CLNK: variants seen among roughly 807,000 people sequenced by gnomAD.
The protein encoded by CLNK is cytokine-dependent hematopoietic cell linker.
A neutral mutation model predicts 68.6 loss-of-function variants in CLNK; 74 were observed. The ratio of observed to expected loss-of-function variants is 1.08; its 90% confidence interval spans 0.89 to 1.31. The LOEUF (loss-of-function observed/expected upper bound fraction) is 1.31, where lower values mean the gene tolerates loss of function less well. Among genes scored for constraint, CLNK ranks in the 50% most tolerant of loss-of-function variants. The pLI, the probability that CLNK is intolerant of heterozygous loss-of-function variation, is 0.00. For synonymous variants in CLNK, 198 were observed against 172.2 expected, an observed-to-expected ratio of 1.15 and a Z score of -1.17; for missense variants, 553 against 515.3, an observed-to-expected ratio of 1.07 and a Z score of -0.71.
intron 2 of CLNK, among the ~76,000 whole-genome samples, chr4:10,610,539 A>G (rs962594705): frequency 6.6e-6 from 1 of 152,058 alleles, no homozygotes; most frequent in African/African-American, 2.4e-5. Context: ...ATGAACCTAG[A>G]CAAAGAGAGG....
At chr4:10,561,945 C>T (rs1560217241) in intron 7 of CLNK, among the ~76,000 whole-genome samples, 1 of 152,124 alleles carries the variant, frequency 6.6e-6, no homozygotes, top group African/African-American at 2.4e-5. Context: ...TATGGAGAAC[C>T]TCTTACAAAG....
Position 10,571,677 on chromosome 4 carries a change from T to C in CLNK, c.150+64A>G, listed in dbSNP as rs562108399. On this transcript the variant is annotated intron_variant, in intron 5 of 18. Transcript: ENST00000226951. ...TAAACATTTTACCCAGTATCTTGAA[T>C]CAAATTCACCTGCTTTGCAATATTA... 3.7e-6 allele frequency: 5 copies of C among 1,333,366 alleles called. No homozygotes were observed. The African/African-American group carries it at 4.3e-5, about 12-fold the overall frequency. 82.6% of individuals were successfully genotyped at this position (1,333,366 alleles called of 1,614,324 possible). A position where few individuals can be genotyped will look rare whatever the true frequency, so the allele number is the denominator to read the frequency against.
At chr4:10,589,208 T>A (rs1164376212) in intron 3 of CLNK, among the ~76,000 whole-genome samples, 1 of 152,232 alleles carries the variant, frequency 6.6e-6, no homozygotes, top group Non-Finnish European at 1.5e-5. Context: ...CCAGCTCCAC[T>A]TTGCAGATTG....
At chr4:10,721,364 A>G in the CLNK span, among the ~76,000 whole-genome samples, 1 of 152,182 alleles carries the variant, frequency 6.6e-6, no homozygotes, top group Non-Finnish European at 1.5e-5. Flanking sequence ...TCTTTGCTTT[A>G]TTTCTTAAAA....
chr4:10,618,886 A>G (rs966216060), intron 2 of CLNK, among the ~76,000 whole-genome samples: 1 of 152,228 alleles, frequency 6.6e-6, no homozygotes, highest in Non-Finnish European at 1.5e-5. Flanking sequence ...ATCACGTCCC[A>G]CCAGGCCCCA....
At chr4:10,559,750 T>C (rs142041776) in intron 7 of CLNK, among the ~76,000 whole-genome samples, 13 of 152,126 alleles carry the variant, frequency 8.5e-5, no homozygotes, top group Non-Finnish European at 1.9e-4. Flanking sequence ...ATTCCCAACT[T>C]CTGTCAAATA....
chr4:10,656,778 T>A (rs139587734), intron 2 of CLNK, among the ~76,000 whole-genome samples: 178 of 152,330 alleles, frequency 1.2e-3, no homozygotes, highest in African/African-American at 4.2e-3. Flanking sequence ...ACAGCACTTG[T>A]ATTAGCAATA....
At chr4:10,613,636 G>T (rs1477357428) in intron 2 of CLNK, among the ~76,000 whole-genome samples, 1 of 152,142 alleles carries the variant, frequency 6.6e-6, no homozygotes, top group African/African-American at 2.4e-5. Flanking sequence ...TAGAGAATAG[G>T]TATGTCATTG....
intron 4 of CLNK, among the ~76,000 whole-genome samples, chr4:10,576,105 A>C (rs1720554178): frequency 6.6e-6 from 1 of 152,196 alleles, no homozygotes; most frequent in African/African-American, 2.4e-5. Context: ...CAAATACAGC[A>C]TGTGGTACAG....
intron 2 of CLNK, among the ~76,000 whole-genome samples, chr4:10,666,994 G>T (rs1013113160): frequency 1.3e-5 from 2 of 152,180 alleles, no homozygotes; most frequent in South Asian, 2.1e-4. Context: ...CTAGCCTCCC[G>T]CTAGGATCAG....
intron 2 of CLNK, among the ~76,000 whole-genome samples, chr4:10,609,237 G>T (rs2108852666): frequency 6.6e-6 from 1 of 152,318 alleles, no homozygotes; most frequent in Non-Finnish European, 1.5e-5. Flanking sequence ...ATGGCTGCCT[G>T]GTTTCAGGAC....
rs374640570 is a variant in CLNK at position 10,513,512 on chromosome 4, A to G, written c.858T>C (p.Tyr286=). 4.3e-6 allele frequency: 7 copies of G among 1,611,894 alleles called. No homozygotes were observed. In the African/African-American group the frequency reaches 9.3e-5, roughly 22 times the overall value. ...SCSPHENILP[Y]KYTSWRPPFP... ...AAGGTGGTCTCCAGCTTGTGTATTT[A>G]TAGGGCAGTATATTTTCGTGAGGGC... Residue 286 remains tyrosine (Y), a synonymous_variant, in exon 16 of 19, where the codon TAT becomes TAC. Coordinates refer to ENST00000226951, the MANE Select transcript of CLNK (RefSeq NM_052964.4).
chr4:10,561,639 T>C (rs1414031985), intron 7 of CLNK, among the ~76,000 whole-genome samples: 1 of 152,228 alleles, frequency 6.6e-6, no homozygotes, highest in East Asian at 1.9e-4. Context: ...CCAATCTCTC[T>C]GGAATTCTCA....
rs184955493 is a variant in CLNK, at chr4:10,556,074, A to G, written c.445+2333T>C. On this transcript the variant is annotated intron_variant, in intron 8 of 18. Transcript: ENST00000226951. The stretch of plus-strand genomic sequence containing the variant: ...AAGTCCTCTTTGCAGTTGTGGCCTC[A>G]GTTTACACTGGAGTCTGCTTTACAA... Among the ~76,000 whole-genome samples, 187 of 152,368 alleles carry G rather than the reference A, an allele frequency of 1.2e-3. 1 individual carries two copies. The highest frequency in any genetic ancestry group is 1.6e-3 in the Admixed American group (24 of 15,300).
chr4:10,689,638 C>G (rs1577223048), upstream of CLNK, among the ~76,000 whole-genome samples: 1 of 151,472 alleles, frequency 6.6e-6, no homozygotes, highest in East Asian at 1.9e-4. Context: ...CATAGACCCT[C>G]AAAACACAAA....
At chr4:10,723,919 A>AGAGAGAGAGAGACAGAGAGAGAGAGATCG in the CLNK span, among the ~76,000 whole-genome samples, 2 of 148,032 alleles carry the variant, frequency 1.4e-5, no homozygotes, top group African/African-American at 5.0e-5. Context: ...AGAGAGAGAG[A>AGAGAGAGAGAGACAGAGAGAGAGAGATCG]AGGCAGGGCA....
intron 1 of CLNK, among the ~76,000 whole-genome samples, chr4:10,679,147 G>A (rs1311773072): frequency 6.6e-6 from 1 of 152,166 alleles, no homozygotes; most frequent in Non-Finnish European, 1.5e-5. Context: ...AAAACAGCAT[G>A]GTACTGGTAC....
At chr4:10,544,576 G>T (rs1467848109) in intron 8 of CLNK, among the ~76,000 whole-genome samples, 2 of 152,168 alleles carry the variant, frequency 1.3e-5, no homozygotes, top group African/African-American at 2.4e-5. Context: ...AGGCTGGTCT[G>T]AGGAGGCATC....
intron 8 of CLNK, among the ~76,000 whole-genome samples, chr4:10,553,305 A>T (rs562524903): frequency 1.3e-5 from 2 of 152,200 alleles, no homozygotes; most frequent in Non-Finnish European, 2.9e-5. Context: ...TGGACACTTA[A>T]GTTACAAATG....
Sources: gnomAD v4.1 joint callset for allele counts (sites outside exome capture counted in the v4.1 genomes callset) on GRCh38, gnomAD v4.1.1 for gene constraint, MANE v1.5 for transcripts, NCBI Gene and HGNC (gene_info 2026-07-23, HGNC 2026-07-21) for gene names.